FILIP1L: variants seen among roughly 807,000 people sequenced by gnomAD.
FILIP1L encodes the protein filamin A interacting protein 1 like.
Under a neutral mutation model 96.6 loss-of-function variants are expected in FILIP1L, and 55 were observed. The ratio of observed to expected loss-of-function variants is 0.57; its 90% confidence interval spans 0.46 to 0.71. FILIP1L has a LOEUF of 0.71. Ranked by LOEUF, FILIP1L falls within the 30% of genes least tolerant of loss-of-function variation. FILIP1L has a pLI of 0.00. For missense variants in FILIP1L, 1,304 were observed against 1,321.2 expected (o/e 0.99, Z 0.20); for synonymous variants, 467 against 473.9 (o/e 0.99, Z 0.19).
chr3:99,880,872 C>G (rs1386440619), intron 4 of FILIP1L, among the ~76,000 whole-genome samples: 1 of 152,000 alleles, frequency 6.6e-6, no homozygotes, highest in Non-Finnish European at 1.5e-5. Flanking sequence ...TGGATGGACC[C>G]TGTATGTGTA....
At chr3:100,038,579 G>A (rs984361498) in intron 1 of FILIP1L, among the ~76,000 whole-genome samples, 1 of 152,156 alleles carries the variant, frequency 6.6e-6, no homozygotes, top group Non-Finnish European at 1.5e-5. Context: ...ATGTACTTTT[G>A]TAGGGACTGG....
At chr3:99,982,288 G>A (rs1236022768) in intron 1 of FILIP1L, among the ~76,000 whole-genome samples, 1 of 150,798 alleles carries the variant, frequency 6.6e-6, no homozygotes, top group Non-Finnish European at 1.5e-5. Flanking sequence ...ATTTAATCTG[G>A]GGCTGTGTAT....
chr3:99,852,111 A>C lies in FILIP1L; in HGVS notation c.606-1041T>G, dbSNP rs546609079. ...GGGTATTTTACATGTAGTATAAACT[A>C]TCTCTTCCACTTAAGTAGTGAGGTC... On this transcript the variant is annotated intron_variant, in intron 4 of 5. Transcript: ENST00000477258. Among the ~76,000 whole-genome samples the C allele has an allele frequency of 1.3e-4, 20 of 152,336 alleles. No homozygotes were observed. The South Asian group carries it at 4.1e-3, about 32-fold the overall frequency.
At position 99,849,546 on chromosome 3, in the gene FILIP1L, A is replaced by C; in HGVS notation, c.2130T>G (p.Ala710=). The C allele has an allele frequency of 6.2e-7, 1 of 1,613,424 alleles. No homozygotes were observed. The highest frequency in any genetic ancestry group is 1.1e-5 in the South Asian group (1 of 90,880). ...CTTCTCTTGAGAGGTGCCCTGACTTAGCTTCTTCTTCTTGAAGCCTTTTGA... is the reference window on the plus strand; with the variant it reads ...CTTCTCTTGAGAGGTGCCCTGACTTCGCTTCTTCTTCTTGAAGCCTTTTGA... ...WLFKRLQEEE[A]KSGHLSREVD... Residue 710 remains alanine, a synonymous_variant, in exon 5 of 6, where the codon GCT becomes GCG. Coordinates refer to ENST00000477258, the MANE Select transcript of FILIP1L (RefSeq NM_001387850.1).
rs1261970570 is a variant in FILIP1L at position 99,850,010 on chromosome 3, T to C, written c.1666A>G (p.Lys556Glu). The C allele has an allele frequency of 6.2e-7, 1 of 1,607,984 alleles. No homozygotes were observed. Among genetic ancestry groups the C allele is most frequent in the African/African-American group, 1.3e-5 (1 of 74,400 alleles). Residue 556 changes from lysine to glutamate, a missense_variant, in exon 5 of 6, where the codon AAG (lysine) becomes GAG (glutamate). Coordinates refer to ENST00000477258, the MANE Select transcript of FILIP1L (RefSeq NM_001387850.1). Reference protein sequence around the residue: ...ALKSKTDVEEKMYSVTKERDD... With the variant: ...ALKSKTDVEEEMYSVTKERDD... ...CTCTCCTTGGTTACGCTGTACATCT[T>C]TTCTTCTACATCGGTTTTGGACTTG...
intron 1 of FILIP1L, among the ~76,000 whole-genome samples, chr3:100,034,084 TAAGAA>T (rs1225844851): frequency 2.0e-5 from 3 of 152,296 alleles, no homozygotes; most frequent in South Asian, 2.1e-4. Context: ...TTAATACACT[TAAGAA>T]AAGAAGTAAT....
chr3:99,922,050 C>T (rs577914204), intron 4 of FILIP1L, among the ~76,000 whole-genome samples: 89 of 152,342 alleles, frequency 5.8e-4, no homozygotes, highest in Non-Finnish European at 9.7e-4. Flanking sequence ...TAGCCCTTCA[C>T]ATTCCCACCA....
Position 99,849,391 on chromosome 3 carries a change from C to T in FILIP1L, c.2285G>A (p.Arg762Lys), listed in dbSNP as rs1943542701. 5.6e-6 allele frequency: 9 copies of T among 1,614,102 alleles called. No individual in the cohort carries two copies. The South Asian group carries it at 8.8e-5, about 16-fold the overall frequency. Residue 762 changes from arginine to lysine, a missense_variant, in exon 5 of 6, where the codon AGA (arginine) becomes AAA (lysine). Coordinates refer to ENST00000477258, the MANE Select transcript of FILIP1L (RefSeq NM_001387850.1). ...QQENRNRDLGREIENLTKELE... is the reference protein window; with the variant it reads ...QQENRNRDLGKEIENLTKELE... ...CTCCTTAGTGAGGTTTTCAATCTCT[C>T]TTCCTAAATCTCTGTTCCTGTTTTC...
intron 1 of FILIP1L, among the ~76,000 whole-genome samples, chr3:100,032,394 A>T (rs1374593373): frequency 2.0e-5 from 3 of 152,204 alleles, no homozygotes; most frequent in African/African-American, 7.2e-5. Context: ...AGAAGAGGAC[A>T]TGTGACTTAG....
chr3:100,029,819 G>A (rs919647134), intron 1 of FILIP1L, among the ~76,000 whole-genome samples: 8 of 152,138 alleles, frequency 5.3e-5, no homozygotes, highest in African/African-American at 1.4e-4. Context: ...GACCAAAAGG[G>A]CAGATTCTGA....
intron 5 of FILIP1L, among the ~76,000 whole-genome samples, chr3:99,842,625 T>C (rs898003731): frequency 2.0e-5 from 3 of 152,134 alleles, no homozygotes; most frequent in Non-Finnish European, 2.9e-5. Context: ...TTTCAAAATA[T>C]TGCCTCAAAT....
chr3:99,975,858 T>A (rs1049015799), intron 1 of FILIP1L, among the ~76,000 whole-genome samples: 3 of 152,200 alleles, frequency 2.0e-5, no homozygotes, highest in African/African-American at 7.2e-5. Context: ...ATATTTTCTT[T>A]GGGCTAGCAA....
At chr3:99,886,160 C>T (rs1236606871) in intron 4 of FILIP1L, among the ~76,000 whole-genome samples, 5 of 152,160 alleles carry the variant, frequency 3.3e-5, no homozygotes, top group Non-Finnish European at 7.3e-5. Flanking sequence ...TAGAAGAGTC[C>T]TACTGTATTC....
chr3:100,010,678 G>A (rs899223220), intron 1 of FILIP1L, among the ~76,000 whole-genome samples: 4 of 149,206 alleles, frequency 2.7e-5, no homozygotes, highest in Admixed American at 2.0e-4. Flanking sequence ...GCAGTGGCTC[G>A]ATCTCTGCCC....
At chr3:100,075,900 C>T (rs981970629) in intron 1 of FILIP1L, among the ~76,000 whole-genome samples, 1 of 152,122 alleles carries the variant, frequency 6.6e-6, no homozygotes, top group South Asian at 2.1e-4. Context: ...TATTAGGATT[C>T]GATTCAGGAG....
chr3:100,078,070 G>A lies in FILIP1L; in HGVS notation c.-11+35983C>T, dbSNP rs546590854. 2.0e-5 allele frequency among the ~76,000 whole-genome samples: 3 copies of A among 150,896 alleles called. No individual in the cohort carries two copies. The East Asian group carries it at 5.8e-4, about 29-fold the overall frequency. The stretch of plus-strand genomic sequence containing the variant: ...TATCCTATTTATAAGTTAGAATTGG[G>A]CTTGCTTTAAAAAAAAAAAAGATAA... On this transcript the variant is annotated intron_variant, in intron 1 of 5. Transcript: ENST00000477258.
At chr3:100,107,916 G>A (rs943727962) in intron 1 of FILIP1L, among the ~76,000 whole-genome samples, 1 of 150,572 alleles carries the variant, frequency 6.6e-6, no homozygotes, top group Non-Finnish European at 1.5e-5. Flanking sequence ...TAGGGCCAGA[G>A]AATCTCAGGG....
intron 4 of FILIP1L, among the ~76,000 whole-genome samples, chr3:99,892,639 G>A (rs1706120145): frequency 6.6e-6 from 1 of 152,174 alleles, no homozygotes; most frequent in Admixed American, 6.5e-5. Context: ...GCAACACCCA[G>A]AGGTGGAGAA....
intron 1 of FILIP1L, among the ~76,000 whole-genome samples, chr3:99,949,080 TA>T (rs1394563367): frequency 3.3e-5 from 5 of 152,144 alleles, no homozygotes; most frequent in Non-Finnish European, 7.4e-5. Context: ...TTTTGGTGAG[TA>T]AATTCCAAAA....
Sources: allele counts gnomAD v4.1 joint callset (sites outside exome capture counted in the v4.1 genomes callset), GRCh38; gene constraint gnomAD v4.1.1; transcripts MANE v1.5; gene names NCBI Gene and HGNC (gene_info 2026-07-23, HGNC 2026-07-21).